Variants in RBFOX1 observed in about 807,000 individuals in gnomAD.
RBFOX1 encodes the protein RNA binding protein fox-1 homolog 1.
A neutral mutation model predicts 57.7 loss-of-function variants in RBFOX1; 8 were observed. That is an observed-to-expected ratio of 0.14 (90% CI 0.08 to 0.25). RBFOX1 has a LOEUF of 0.25. Ranked by LOEUF, RBFOX1 falls within the 10% of genes least tolerant of loss-of-function variation. The pLI is 1.00. For synonymous variants in RBFOX1, 326 were observed against 222.4 expected, an observed-to-expected ratio of 1.47 and a Z score of -4.15; for missense variants, 611 against 548.5, an observed-to-expected ratio of 1.11 and a Z score of -1.14.
chr16:7,061,774 C>T (rs530377117), intron 4 of RBFOX1, among the ~76,000 whole-genome samples: 3 of 152,264 alleles, frequency 2.0e-5, no homozygotes, highest in South Asian at 2.1e-4. Flanking sequence ...CATAGCTACT[C>T]TTCATTTCTA....
At chr16:6,053,820 G>A (rs2095581938) in intron 1 of RBFOX1, among the ~76,000 whole-genome samples, 1 of 152,122 alleles carries the variant, frequency 6.6e-6, no homozygotes, top group Admixed American at 6.5e-5. Context: ...CACTTTGGGA[G>A]GCTGAGGCAG....
intron 2 of RBFOX1, among the ~76,000 whole-genome samples, chr16:5,475,386 TA>T (rs1346929528): frequency 6.6e-6 from 1 of 152,212 alleles, no homozygotes; most frequent in Non-Finnish European, 1.5e-5. Context: ...CTTGTTTCTC[TA>T]AGATTCAAAG....
chr16:5,520,584 C>T lies in RBFOX1; in HGVS notation c.258+53330C>T, dbSNP rs1168483559. Among the ~76,000 whole-genome samples, 3 of 152,186 alleles carry T rather than the reference C, an allele frequency of 2.0e-5. No homozygotes were observed. The South Asian group carries it at 6.2e-4, about 32-fold the overall frequency. Reference sequence around the variant, plus strand: ...GGATGCAATGCAATGGCTAGAGCTACAGAAACCATCTTGTCATGTTGAGGG... The same window carrying T: ...GGATGCAATGCAATGGCTAGAGCTATAGAAACCATCTTGTCATGTTGAGGG... On this transcript the variant is annotated intron_variant, in intron 2 of 2. Transcript: ENST00000585867.
At chr16:6,703,790 C>G (rs1348264174) in intron 3 of RBFOX1, 2 of 152,226 alleles carry the variant, frequency 1.3e-5, no homozygotes, top group Admixed American at 6.6e-5. Flanking sequence ...TCTGTCCAAC[C>G]CAGATTCCAA....
chr16:7,482,065 T>C (rs972340714), intron 4 of RBFOX1, among the ~76,000 whole-genome samples: 6 of 152,222 alleles, frequency 3.9e-5, no homozygotes, highest in Non-Finnish European at 7.3e-5. Flanking sequence ...AATCAAGCCG[T>C]GCAGCGTCCA....
chr16:6,953,276 C>G (rs563424019), intron 3 of RBFOX1, among the ~76,000 whole-genome samples: 17 of 152,230 alleles, frequency 1.1e-4, no homozygotes, highest in South Asian at 2.1e-4. Flanking sequence ...AACATATACA[C>G]CGAAATAAGG....
At chr16:7,204,898 C>T (rs529494207) in intron 4 of RBFOX1, among the ~76,000 whole-genome samples, 2 of 152,152 alleles carry the variant, frequency 1.3e-5, no homozygotes, top group Non-Finnish European at 2.9e-5. Context: ...TGGATATATT[C>T]ATCTTTCTAT....
At chr16:7,461,725 G>A (rs1261987912) in intron 4 of RBFOX1, among the ~76,000 whole-genome samples, 1 of 152,218 alleles carries the variant, frequency 6.6e-6, no homozygotes, top group Non-Finnish European at 1.5e-5. Context: ...TCCAGCAGGA[G>A]AAAGCTGGGG....
At chr16:7,222,545 G>A (rs898399799) in intron 4 of RBFOX1, among the ~76,000 whole-genome samples, 10 of 152,164 alleles carry the variant, frequency 6.6e-5, no homozygotes, top group South Asian at 2.1e-4. Flanking sequence ...AGGAGACGGC[G>A]AAGCAACAAT....
chr16:6,149,000 T>C (rs560351726), intron 1 of RBFOX1, among the ~76,000 whole-genome samples: 2,912 of 152,296 alleles, frequency 0.019, 48 homozygotes, highest in South Asian at 0.032. Flanking sequence ...CCTCATTTGT[T>C]CAGCCATCTC....
chr16:6,951,743 C>T (rs998672953), intron 3 of RBFOX1, among the ~76,000 whole-genome samples: 5 of 152,044 alleles, frequency 3.3e-5, no homozygotes, highest in Non-Finnish European at 5.9e-5. Flanking sequence ...TTTTTTCTCT[C>T]TCTCTTTTGA....
At chr16:5,912,969 A>T (rs1037454491) in intron 4 of RBFOX1, among the ~76,000 whole-genome samples, 35 of 152,316 alleles carry the variant, frequency 2.3e-4, no homozygotes, top group African/African-American at 7.9e-4. Context: ...TTCCTAATGT[A>T]CTTAAGTGAC....
At chr16:5,759,551 C>T (rs1195673801) in intron 3 of RBFOX1, among the ~76,000 whole-genome samples, 2 of 152,186 alleles carry the variant, frequency 1.3e-5, no homozygotes, top group Non-Finnish European at 2.9e-5. Context: ...TTCTGTAGCT[C>T]TTTCTATTTC....
intron 4 of RBFOX1, among the ~76,000 whole-genome samples, chr16:6,013,556 T>C (rs938016691): frequency 2.0e-5 from 3 of 152,174 alleles, no homozygotes; most frequent in African/African-American, 7.2e-5. Flanking sequence ...TATCATGATT[T>C]ATGTCTCATG....
chr16:6,343,069 G>C (rs1215834647), intron 2 of RBFOX1, among the ~76,000 whole-genome samples: 1 of 152,154 alleles, frequency 6.6e-6, no homozygotes, highest in Admixed American at 6.5e-5. Context: ...TCAAAAGGGA[G>C]GAGAAGTGAC....
At chr16:5,995,572 G>T (rs769802363) in intron 4 of RBFOX1, among the ~76,000 whole-genome samples, 8 of 152,238 alleles carry the variant, frequency 5.3e-5, no homozygotes, top group East Asian at 1.9e-4. Flanking sequence ...GCATCTAACT[G>T]TTGCTGTGAG....
At chr16:6,780,577 T>A (rs1042595406) in intron 3 of RBFOX1, among the ~76,000 whole-genome samples, 6 of 140,490 alleles carry the variant, frequency 4.3e-5, no homozygotes, top group African/African-American at 1.6e-4. Context: ...TATATTTATA[T>A]ATATATTTAT....
intron 2 of RBFOX1, among the ~76,000 whole-genome samples, chr16:5,474,194 G>A (rs1006024846): frequency 2.6e-5 from 4 of 152,180 alleles, no homozygotes; most frequent in Non-Finnish European, 4.4e-5. Flanking sequence ...TTCAACTACA[G>A]CATTAGCCAA....
rs1407168652 is a variant in RBFOX1, at chr16:6,478,412, TATATATATATATATATA to T, written c.-64+161356_-64+161372del. Among the ~76,000 whole-genome samples the T allele has an allele frequency of 6.0e-3, 144 of 23,924 alleles. 1 individual carries two copies. Among genetic ancestry groups the T allele is most frequent in the East Asian group, 0.021 (12 of 582 alleles). 15.7% of individuals were successfully genotyped at this position (23,924 alleles called of 152,430 possible). The stretch of plus-strand genomic sequence containing the variant: ...TAATATATATATATATATATATATA[TATATATATATATATATA>T]TTTTTTTTTTTTTTTTTTGTATTTT... On this transcript the variant is annotated intron_variant, in intron 2 of 15. Transcript: ENST00000550418.
Sources: allele counts gnomAD v4.1 joint callset (sites outside exome capture counted in the v4.1 genomes callset), GRCh38; gene constraint gnomAD v4.1.1; transcripts MANE v1.5; gene names NCBI Gene and HGNC (gene_info 2026-07-23, HGNC 2026-07-21).